Variants in NEGR1 observed in about 807,000 individuals in gnomAD.
NEGR1 encodes IgLON family member 4.
Under a neutral mutation model 40.9 loss-of-function variants are expected in NEGR1, and 10 were observed. The observed-to-expected ratio is 0.24, with a 90% CI of 0.15 to 0.42. The LOEUF (loss-of-function observed/expected upper bound fraction) is 0.42. NEGR1 is among the 10% of genes least tolerant of loss of function. The pLI is 1.00. For synonymous variants in NEGR1, 185 were observed against 166.8 expected, an observed-to-expected ratio of 1.11 and a Z score of -0.84; for missense variants, 352 against 438.9, an observed-to-expected ratio of 0.80 and a Z score of 1.77.
At chr1:71,661,679 A>G (rs1178085183) in intron 4 of NEGR1, among the ~76,000 whole-genome samples, 5 of 152,236 alleles carry the variant, frequency 3.3e-5, no homozygotes, top group Non-Finnish European at 7.3e-5. Context: ...GTGAAAAATG[A>G]GAATTAGAAC....
chr1:72,056,383 G>A (rs934021270), intron 1 of NEGR1, among the ~76,000 whole-genome samples: 14 of 151,188 alleles, frequency 9.3e-5, no homozygotes, highest in African/African-American at 2.7e-4. Context: ...GCTAATGATC[G>A]CATAGAGAAT....
At chr1:71,556,368 G>C (rs11807398) in intron 6 of NEGR1, among the ~76,000 whole-genome samples, 7,009 of 151,606 alleles carry the variant, frequency 0.046, 552 homozygotes, top group African/African-American at 0.16. Flanking sequence ...TTGCTGAAGA[G>C]AGAGGTACAC....
chr1:72,049,875 T>A (rs1442751901), intron 1 of NEGR1, among the ~76,000 whole-genome samples: 1 of 151,622 alleles, frequency 6.6e-6, no homozygotes, highest in African/African-American at 2.4e-5. Flanking sequence ...AGCAGCTATT[T>A]TGAATGGCTA....
chr1:71,734,072 C>T lies in NEGR1; in HGVS notation c.536-35933G>A, dbSNP rs114618459. 3.2e-3 allele frequency among the ~76,000 whole-genome samples: 483 copies of T among 152,306 alleles called. 3 individuals carry two copies. Among genetic ancestry groups the T allele is most frequent in the African/African-American group, 0.011 (446 of 41,576 alleles). On this transcript the variant is annotated intron_variant, in intron 3 of 6. Transcript: ENST00000357731. ...AGCAATTTATTCACTTATTGTAGTA[C>T]AGGAAGGTTGGGACTGATGCATTCC...
At chr1:71,634,983 A>T (rs916406446) in intron 4 of NEGR1, among the ~76,000 whole-genome samples, 13 of 152,120 alleles carry the variant, frequency 8.5e-5, no homozygotes, top group Non-Finnish European at 1.8e-4. Context: ...AAGTCAAGAA[A>T]GAAAATGCTT....
At chr1:71,668,534 G>C (rs74088548) in intron 4 of NEGR1, among the ~76,000 whole-genome samples, 5,479 of 152,180 alleles carry the variant, frequency 0.036, 125 homozygotes, top group African/African-American at 0.07. Context: ...GAGAAACGTC[G>C]TTAAAGCTTC....
chr1:71,730,929 A>G (rs533065324), intron 3 of NEGR1, among the ~76,000 whole-genome samples: 3 of 141,226 alleles, frequency 2.1e-5, no homozygotes, highest in Non-Finnish European at 4.6e-5. Context: ...TGTGTATGTA[A>G]CTTGATTATA....
At chr1:71,445,254 A>T (rs1646573391) in intron 6 of NEGR1, among the ~76,000 whole-genome samples, 1 of 152,056 alleles carries the variant, frequency 6.6e-6, no homozygotes, top group Non-Finnish European at 1.5e-5. Flanking sequence ...ACTGCAATAC[A>T]TCAAGGAGAA....
chr1:71,414,153 G>A (rs1646340623), intron 6 of NEGR1, among the ~76,000 whole-genome samples: 1 of 152,076 alleles, frequency 6.6e-6, no homozygotes, highest in Non-Finnish European at 1.5e-5. Context: ...CCCAAATAAC[G>A]TTTCAAGCAC....
intron 6 of NEGR1, among the ~76,000 whole-genome samples, chr1:71,432,409 T>C (rs1646475810): frequency 6.6e-6 from 1 of 152,212 alleles, no homozygotes; most frequent in Non-Finnish European, 1.5e-5. Context: ...CCAAAACTCA[T>C]GTAACAACTG....
intron 6 of NEGR1, among the ~76,000 whole-genome samples, chr1:71,543,899 T>C (rs1647800136): frequency 6.6e-6 from 1 of 151,826 alleles, no homozygotes; most frequent in Admixed American, 6.6e-5. Flanking sequence ...GTGGTTAAGT[T>C]GGATAGAATG....
chr1:71,409,475 T>C (rs1646301948), intron 6 of NEGR1, among the ~76,000 whole-genome samples: 1 of 152,020 alleles, frequency 6.6e-6, no homozygotes, highest in South Asian at 2.1e-4. Context: ...ATGGGTAGAT[T>C]ATCAAGTCCC....
At chr1:71,937,426 G>A (rs1645915939) in intron 1 of NEGR1, among the ~76,000 whole-genome samples, 1 of 152,150 alleles carries the variant, frequency 6.6e-6, no homozygotes, top group African/African-American at 2.4e-5. Context: ...TTTAGTATCT[G>A]CATTCATCAA....
intron 3 of NEGR1, among the ~76,000 whole-genome samples, chr1:71,739,218 C>CA (rs538547056): frequency 0.023 from 2,886 of 123,820 alleles, 45 homozygotes; most frequent in South Asian, 0.085. Flanking sequence ...AAAAAAAAAA[C>CA]AAAAAAAAAA....
At chr1:71,689,982 A>G (rs1283592722) in intron 4 of NEGR1, among the ~76,000 whole-genome samples, 3 of 152,050 alleles carry the variant, frequency 2.0e-5, no homozygotes, top group Admixed American at 1.3e-4. Context: ...CAAGCTAGCA[A>G]GCTTGAATGT....
At chr1:71,847,007 C>T (rs1338616117) in intron 2 of NEGR1, among the ~76,000 whole-genome samples, 1 of 152,172 alleles carries the variant, frequency 6.6e-6, no homozygotes, top group Non-Finnish European at 1.5e-5. Context: ...TTTCTTCTCC[C>T]ACAGTACTTA....
chr1:71,714,653 C>T (rs1654213783), intron 3 of NEGR1, among the ~76,000 whole-genome samples: 1 of 152,190 alleles, frequency 6.6e-6, no homozygotes, highest in East Asian at 1.9e-4. Flanking sequence ...TCCAATAGGG[C>T]AGTCATTAAA....
At chr1:71,841,584 G>A (rs1364354529) in intron 2 of NEGR1, among the ~76,000 whole-genome samples, 1 of 152,076 alleles carries the variant, frequency 6.6e-6, no homozygotes, top group Non-Finnish European at 1.5e-5. Context: ...GTATAATGTG[G>A]TGGTTATGAG....
At chr1:71,997,302 C>A (rs997619566) in intron 1 of NEGR1, among the ~76,000 whole-genome samples, 1 of 151,998 alleles carries the variant, frequency 6.6e-6, no homozygotes, top group Non-Finnish European at 1.5e-5. Context: ...AGTTTAAATT[C>A]CACTACTATC....
Sources: gnomAD v4.1 joint callset for allele counts (sites outside exome capture counted in the v4.1 genomes callset) on GRCh38, gnomAD v4.1.1 for gene constraint, MANE v1.5 for transcripts, NCBI Gene and HGNC (gene_info 2026-07-23, HGNC 2026-07-21) for gene names.